SUGCT: variants seen among roughly 807,000 people sequenced by gnomAD.
SUGCT encodes the protein succinyl-CoA:glutarate-CoA transferase.
Under a neutral mutation model 55.0 loss-of-function variants are expected in SUGCT, and 41 were observed. That is an observed-to-expected ratio of 0.74 (90% confidence interval 0.58 to 0.97). SUGCT has a LOEUF of 0.97. Ranked by LOEUF, SUGCT falls within the 50% of genes least tolerant of loss-of-function variation. SUGCT has a pLI of 0.00. For missense variants in SUGCT, 568 were observed against 547.8 expected (o/e 1.04, Z -0.37); for synonymous variants, 187 against 200.4 (o/e 0.93, Z 0.56).
the SUGCT span, among the ~76,000 whole-genome samples, chr7:40,998,289 T>C: frequency 3.3e-5 from 5 of 152,016 alleles, no homozygotes; most frequent in Non-Finnish European, 5.9e-5. Flanking sequence ...GGAGGATCAC[T>C]TGAACCTGGG....
At chr7:40,382,940 C>A (rs921213269) in intron 9 of SUGCT, among the ~76,000 whole-genome samples, 1 of 152,130 alleles carries the variant, frequency 6.6e-6, no homozygotes, top group African/African-American at 2.4e-5. Flanking sequence ...ACACAGATTA[C>A]ATTCATTAAT....
At chr7:41,010,372 T>C in the SUGCT span, among the ~76,000 whole-genome samples, 1 of 152,152 alleles carries the variant, frequency 6.6e-6, no homozygotes, top group African/African-American at 2.4e-5. Context: ...GTAGGGATCA[T>C]AGTGGAGTAA....
intron 13 of SUGCT, among the ~76,000 whole-genome samples, chr7:40,828,135 G>A (rs2128774097): frequency 1.3e-5 from 2 of 152,326 alleles, no homozygotes; most frequent in Middle Eastern, 6.8e-3. Context: ...GAACATGAGA[G>A]GATAGAACAG....
Position 40,146,975 on chromosome 7 carries a change from T to G in SUGCT, c.100+11855T>G, listed in dbSNP as rs927552089. Among the ~76,000 whole-genome samples, 3 of 152,158 alleles carry G rather than the reference T, an allele frequency of 2.0e-5. No homozygotes were observed. In the East Asian group the frequency reaches 5.8e-4, roughly 29 times the overall value. On this transcript the variant is annotated intron_variant, in intron 1 of 13. Transcript: ENST00000335693. ...TTCTTTCTTCCTCTCTTTGACTTCC[T>G]GTCTCTTTCTGTCTCTTTGATTCCC... is the stretch of plus-strand genomic sequence containing the variant.
chr7:40,903,901 C>T, the SUGCT span, among the ~76,000 whole-genome samples: 2 of 152,152 alleles, frequency 1.3e-5, no homozygotes, highest in Non-Finnish European at 2.9e-5. Context: ...GCTCAGTAGC[C>T]ATGAACCCAA....
intron 12 of SUGCT, among the ~76,000 whole-genome samples, chr7:40,507,063 A>G: frequency 6.6e-6 from 1 of 152,000 alleles, no homozygotes; most frequent in East Asian, 1.9e-4. Flanking sequence ...CTTCAAAGGA[A>G]GTTTCTGTTG....
intron 8 of SUGCT, among the ~76,000 whole-genome samples, 151 bp downstream of exon 8, chr7:40,274,807 C>T (rs1792355006): frequency 6.6e-6 from 1 of 152,096 alleles, no homozygotes; most frequent in Non-Finnish European, 1.5e-5. Flanking sequence ...GTACTTGTTT[C>T]TTTTCTTTTT....
At chr7:41,008,981 T>G in the SUGCT span, among the ~76,000 whole-genome samples, 3 of 152,104 alleles carry the variant, frequency 2.0e-5, no homozygotes, top group African/African-American at 7.2e-5. Context: ...TCCAGTAGTA[T>G]TAAATGTCCT....
intron 8 of SUGCT, among the ~76,000 whole-genome samples, chr7:40,290,795 A>T (rs1203416476): frequency 6.6e-6 from 1 of 152,230 alleles, no homozygotes; most frequent in Non-Finnish European, 1.5e-5. Context: ...CAATGAACTC[A>T]AACAAATCTA....
intron 1 of SUGCT, among the ~76,000 whole-genome samples, chr7:40,169,532 C>A (rs1784573432): frequency 6.6e-6 from 1 of 152,152 alleles, no homozygotes; most frequent in Non-Finnish European, 1.5e-5. Flanking sequence ...TCAGGACTGT[C>A]CCCTAGGGCA....
At chr7:40,831,954 T>C (rs1285279164) in intron 13 of SUGCT, among the ~76,000 whole-genome samples, 2 of 152,196 alleles carry the variant, frequency 1.3e-5, no homozygotes, top group African/African-American at 4.8e-5. Context: ...ATAGCCTATG[T>C]TTAGAACACT....
the SUGCT span, among the ~76,000 whole-genome samples, chr7:41,011,552 T>G: frequency 6.6e-6 from 1 of 152,220 alleles, no homozygotes; most frequent in Non-Finnish European, 1.5e-5. Context: ...ACCCCAGACT[T>G]ACTAAATAAG....
intron 7 of SUGCT, among the ~76,000 whole-genome samples, chr7:40,242,330 T>G (rs1487666311): frequency 6.6e-6 from 1 of 152,060 alleles, no homozygotes; most frequent in Non-Finnish European, 1.5e-5. Context: ...TGTGCCACCA[T>G]GCCTGGCTAA....
intron 1 of SUGCT, among the ~76,000 whole-genome samples, chr7:40,148,729 G>C (rs183017819): frequency 6.6e-6 from 1 of 152,192 alleles, no homozygotes; most frequent in Non-Finnish European, 1.5e-5. Flanking sequence ...CCATCTTGAA[G>C]TTACAGAAAG....
At chr7:40,222,176 A>G (rs932398193) in intron 6 of SUGCT, among the ~76,000 whole-genome samples, 15 of 152,248 alleles carry the variant, frequency 9.9e-5, no homozygotes, top group African/African-American at 3.4e-4. Context: ...AAACAGATAG[A>G]TTCATCAGTG....
At chr7:40,316,912 GT>G in intron 9 of SUGCT, 57 bp downstream of exon 9, 1 of 440,268 alleles carries the variant, frequency 2.3e-6, no homozygotes, top group Non-Finnish European at 3.6e-6. Flanking sequence ...TATATGATGT[GT>G]TTTTGGAAAA....
chr7:40,608,976 G>A (rs887073463), intron 12 of SUGCT, among the ~76,000 whole-genome samples: 2 of 151,694 alleles, frequency 1.3e-5, no homozygotes, highest in South Asian at 2.1e-4. Context: ...GATTTTTTTT[G>A]GTTTTCTCAT....
intron 11 of SUGCT, among the ~76,000 whole-genome samples, chr7:40,466,061 T>A (rs538472349): frequency 4.1e-4 from 63 of 151,978 alleles, no homozygotes; most frequent in Admixed American, 2.0e-4. Context: ...TAAAATATAA[T>A]TTTTTTTAAA....
the SUGCT span, among the ~76,000 whole-genome samples, chr7:40,868,925 C>T: frequency 6.6e-6 from 1 of 152,182 alleles, no homozygotes; most frequent in Non-Finnish European, 1.5e-5. Flanking sequence ...AAAAATAGTA[C>T]ATAGAATTCC....
Sources: allele counts gnomAD v4.1 joint callset (sites outside exome capture counted in the v4.1 genomes callset), GRCh38; gene constraint gnomAD v4.1.1; transcripts MANE v1.5; gene names NCBI Gene and HGNC (gene_info 2026-07-23, HGNC 2026-07-21).